SLC24A1: variants seen among roughly 807,000 people sequenced by gnomAD.
The protein encoded by SLC24A1 is sodium/potassium/calcium exchanger 1.
Under a neutral mutation model 88.1 loss-of-function variants are expected in SLC24A1, and 52 were observed. The ratio of observed to expected loss-of-function variants is 0.59; its 90% CI spans 0.47 to 0.74. The LOEUF (loss-of-function observed/expected upper bound fraction) is 0.74. SLC24A1 is among the 30% of genes least tolerant of loss of function. The pLI, the probability that SLC24A1 is intolerant of heterozygous loss-of-function variation, is 0.00. For missense variants in SLC24A1, 1,173 were observed against 1,363.3 expected, an observed-to-expected ratio of 0.86 and a Z score of 2.20; for synonymous variants, 455 against 498.0, an observed-to-expected ratio of 0.91 and a Z score of 1.15.
chr15:65,660,147 G>T (rs964085560), downstream of SLC24A1: 33 of 625,900 alleles, frequency 5.3e-5, no homozygotes, highest in African/African-American at 5.9e-4. Flanking sequence ...GAATAGTAAA[G>T]AATAATATTG....
intron 8 of SLC24A1, chr15:65,652,328 G>C: frequency 3.3e-6 from 1 of 303,738 alleles, no homozygotes; most frequent in Non-Finnish European, 6.2e-6. Flanking sequence ...CTCTTTGGAA[G>C]GGCAGTTCTT....
At position 65,652,753 on chromosome 15, in the gene SLC24A1, G is replaced by C. The variant is rs773899092; in HGVS notation, c.2995G>C (p.Gly999Arg). The C allele has an allele frequency of 6.2e-7, 1 of 1,613,658 alleles. No individual in the cohort carries two copies. Among genetic ancestry groups the C allele is most frequent in the African/African-American group, 1.3e-5 (1 of 74,906 alleles). The change falls in exon 9 of 10, where the codon GGA becomes CGA. Residue 999 changes from glycine to arginine, a missense_variant. Physicochemically the swap from Gly to Arg is moderately radical, Grantham distance 125. Coordinates refer to ENST00000261892, the MANE Select transcript of SLC24A1 (RefSeq NM_004727.3). Reference protein sequence around the residue: ...TSVIVARKGLGDMAVSSSVGS... With the variant: ...TSVIVARKGLRDMAVSSSVGS... ...TGTGATTGTCGCTCGAAAAGGCCTG[G>C]GAGACATGGCTGTGTCAAGCTCTGT...
chr15:65,636,657 A>G lies in SLC24A1; in HGVS notation c.1891-1471A>G, dbSNP rs969515892. On this transcript the variant is annotated intron_variant, in intron 2 of 9. Transcript: ENST00000261892. ...TTGGGAGGCTGAGGTGGGTGGATCAACTGAGGTCAGGAGTTCGAGACCAGC... is the reference window on the plus strand; with the variant it reads ...TTGGGAGGCTGAGGTGGGTGGATCAGCTGAGGTCAGGAGTTCGAGACCAGC... Among the ~76,000 whole-genome samples the G allele has an allele frequency of 4.6e-5, 7 of 151,662 alleles. No homozygotes were observed. In the East Asian group the frequency reaches 9.7e-4, roughly 21 times the overall value.
intron 2 of SLC24A1, among the ~76,000 whole-genome samples, chr15:65,635,712 CA>C (rs2074911252): frequency 6.6e-6 from 1 of 152,200 alleles, no homozygotes; most frequent in Non-Finnish European, 1.5e-5. Context: ...TCCAAGCATT[CA>C]AACCTCTCCC....
intron 2 of SLC24A1, among the ~76,000 whole-genome samples, chr15:65,633,582 C>T (rs2141547984): frequency 6.6e-6 from 1 of 152,250 alleles, no homozygotes; most frequent in African/African-American, 2.4e-5. Flanking sequence ...ATCGCTTAAA[C>T]CCAGGAGGCA....
Position 65,656,009 on chromosome 15 carries a change from C to A in SLC24A1, c.*1930C>A. On this transcript the variant is annotated 3_prime_UTR_variant, in exon 10 of 10. Coordinates refer to ENST00000261892, the MANE Select transcript of SLC24A1 (RefSeq NM_004727.3). ...CTGATGCTACTGCATTGCTGGGTTT[C>A]CATAGCCAAGGCCTAAGAACAGGAG... is the stretch of plus-strand genomic sequence containing the variant. The A allele has an allele frequency of 1.0e-6, 1 of 985,306 alleles. No homozygotes were observed. Among genetic ancestry groups the A allele is most frequent in the Non-Finnish European group, 1.2e-6 (1 of 829,922 alleles). The allele number at this position is 985,306 out of a possible 1,614,324, so 61.0% of individuals were successfully genotyped here.
intron 2 of SLC24A1, among the ~76,000 whole-genome samples, chr15:65,627,995 C>T (rs2141492421): frequency 6.6e-6 from 1 of 152,264 alleles, no homozygotes; most frequent in East Asian, 1.9e-4. Flanking sequence ...GGGTCTTGTT[C>T]TGTTGCCCAG....
chr15:65,638,111 C>T lies in SLC24A1; in HGVS notation c.1891-17C>T, dbSNP rs1215177380. 3 of 1,598,944 alleles carry T rather than the reference C, an allele frequency of 1.9e-6. No individual in the cohort carries two copies. Among genetic ancestry groups the T allele is most frequent in the Non-Finnish European group, 2.6e-6 (3 of 1,169,944 alleles). ...GGTCTCGCCACAACATCTCGTGACTCCTCTCCCTGTTTGCAGCCGGGCGAT... is the reference window on the plus strand; with the variant it reads ...GGTCTCGCCACAACATCTCGTGACTTCTCTCCCTGTTTGCAGCCGGGCGAT... On this transcript the variant is annotated splice_polypyrimidine_tract_variant and intron_variant, in intron 2 of 9. Coordinates refer to ENST00000261892, the MANE Select transcript of SLC24A1 (RefSeq NM_004727.3).
chr15:65,638,092 G>C (rs778472796), intron 2 of SLC24A1, 36 bp from the exon 3 acceptor site: 1 of 1,536,410 alleles, frequency 6.5e-7, no homozygotes, highest in Admixed American at 1.8e-5. Flanking sequence ...TGAGGGTCTC[G>C]CCACAACATC....
Position 65,624,784 on chromosome 15 carries a change from A to C in SLC24A1, c.704A>C (p.Asn235Thr). The C allele has an allele frequency of 6.2e-7, 1 of 1,613,928 alleles. No homozygotes were observed. Among genetic ancestry groups the C allele is most frequent in the Non-Finnish European group, 8.5e-7 (1 of 1,179,872 alleles). ...GCAACCTATAAAATACTCGAAACCA[A>C]CTCTCTTAAGAGAATAATGGAGGAA... ...ITATYKILET[N>T]SLKRIMEETT... Residue 235 changes from asparagine to threonine, a missense_variant, in exon 2 of 10, where the codon AAC becomes ACC. Physicochemically the swap from Asn to Thr is moderately conservative, Grantham distance 65. Transcript: ENST00000261892.
chr15:65,634,858 T>C (rs1314111407), intron 2 of SLC24A1, among the ~76,000 whole-genome samples: 1 of 152,014 alleles, frequency 6.6e-6, no homozygotes, highest in East Asian at 1.9e-4. Context: ...GTCACCATCT[T>C]TGTGAGTGTG....
Position 65,624,960 on chromosome 15 carries a change from C to T in SLC24A1, c.880C>T (p.His294Tyr). The change falls in exon 2 of 10, where the codon CAT becomes TAT. Residue 294 changes from histidine to tyrosine, a missense_variant. Coordinates refer to ENST00000261892, the MANE Select transcript of SLC24A1 (RefSeq NM_004727.3). Reference sequence around the variant, plus strand: ...AAGAGTGGAAAGTAACAGCTCAGCCCATCCCTGGGGGTTAGTGGGAAAGAG... The same window carrying T: ...AAGAGTGGAAAGTAACAGCTCAGCCTATCCCTGGGGGTTAGTGGGAAAGAG... ...PRRVESNSSA[H>Y]PWGLVGKSNP... 1 of 1,610,080 alleles carries T rather than the reference C, an allele frequency of 6.2e-7. No homozygotes were observed. Among genetic ancestry groups the T allele is most frequent in the South Asian group, 1.1e-5 (1 of 90,678 alleles).
At position 65,640,890 on chromosome 15, in the gene SLC24A1, C is replaced by T. The variant is rs151036385; in HGVS notation, c.2053+1187C>T. Among the ~76,000 whole-genome samples the T allele has an allele frequency of 2.2e-4, 34 of 151,906 alleles. No homozygotes were observed. In the East Asian group the frequency reaches 6.4e-3, roughly 29 times the overall value. On this transcript the variant is annotated intron_variant, in intron 4 of 9. Transcript: ENST00000261892. ...CCTGGGCAACACGGTGAAACCCCAT[C>T]TCTACTAAAATACAAAAAAAATTAG...
In SLC24A1 at chr15:65,638,199, TCTG is replaced by T. The variant is rs764520072; in HGVS notation, c.1944+20_1944+22del. On this transcript the variant is annotated intron_variant, in intron 3 of 9. Transcript: ENST00000261892. Reference sequence around the variant, plus strand: ...AGCTGAAGGTGGGTGCCGTATGGAGTCTGCCCAGTGGGGACACTGCAGGGTCTC... The same window carrying T: ...AGCTGAAGGTGGGTGCCGTATGGAGTCCCAGTGGGGACACTGCAGGGTCTC... 1 of 1,570,580 alleles carries T rather than the reference TCTG, an allele frequency of 6.4e-7. No individual in the cohort carries two copies. The highest frequency in any genetic ancestry group is 8.7e-7 in the Non-Finnish European group (1 of 1,146,146).
At chr15:65,623,773 T>C (rs1596305130) in intron 1 of SLC24A1, among the ~76,000 whole-genome samples, 182 bp from the exon 2 acceptor site, 1 of 152,262 alleles carries the variant, frequency 6.6e-6, no homozygotes, top group East Asian at 1.9e-4. Flanking sequence ...AGGCACTCTT[T>C]CTCTTAAGAG....
rs751350778 is a variant in SLC24A1 at position 65,625,283 on chromosome 15, A to C, written c.1203A>C (p.Pro401=). Residue 401 remains proline, a synonymous_variant, in exon 2 of 10, where the codon CCA becomes CCC. Transcript: ENST00000261892. ...VHHCVVVKPT[P]AMLTTPSPSL... The stretch of plus-strand genomic sequence containing the variant: ...ACTGTGTGGTTGTGAAGCCAACCCC[A>C]GCCATGCTCACCACTCCCTCCCCAA... 30 of 1,613,844 alleles carry C rather than the reference A, an allele frequency of 1.9e-5. No individual in the cohort carries two copies. The highest frequency in any genetic ancestry group is 1.8e-5 in the Non-Finnish European group (21 of 1,179,876).
At chr15:65,656,828 G>A (rs534672334), downstream of SLC24A1, among the ~76,000 whole-genome samples, 78 of 152,298 alleles carry the variant, frequency 5.1e-4, no homozygotes, top group South Asian at 2.5e-3. Context: ...AAAAAGAGAT[G>A]TATTCCAAAT....
chr15:65,617,105 C>A (rs953038223), upstream of SLC24A1, among the ~76,000 whole-genome samples: 1 of 152,124 alleles, frequency 6.6e-6, no homozygotes, highest in Non-Finnish European at 1.5e-5. Flanking sequence ...GTACCAGTAC[C>A]ATGCTGTTTT....
chr15:65,618,101 C>T (rs2074207171), upstream of SLC24A1, among the ~76,000 whole-genome samples: 1 of 152,162 alleles, frequency 6.6e-6, no homozygotes, highest in South Asian at 2.1e-4. Context: ...ATGATTCTAG[C>T]CACTGGGTTG....
Sources: allele counts gnomAD v4.1 joint callset (sites outside exome capture counted in the v4.1 genomes callset), GRCh38; gene constraint gnomAD v4.1.1; transcripts MANE v1.5; gene names NCBI Gene and HGNC (gene_info 2026-07-23, HGNC 2026-07-21).